Variants in ARB2A observed in about 807,000 individuals in gnomAD.
ARB2A encodes the protein cotranscriptional regulator ARB2A.
At chr5:93,946,605 A>T in the ARB2A span, among the ~76,000 whole-genome samples, 1 of 152,192 alleles carries the variant, frequency 6.6e-6, no homozygotes, top group Non-Finnish European at 1.5e-5. Flanking sequence ...ATAAATCAAA[A>T]GACAGAACTA....
At chr5:93,663,214 G>A in the ARB2A span, among the ~76,000 whole-genome samples, 1 of 152,190 alleles carries the variant, frequency 6.6e-6, no homozygotes, top group Admixed American at 6.5e-5. Context: ...CTCTCTCCTG[G>A]TTGAAACCAA....
chr5:93,974,740 A>T, the ARB2A span, among the ~76,000 whole-genome samples: 1 of 152,164 alleles, frequency 6.6e-6, no homozygotes, highest in Non-Finnish European at 1.5e-5. Context: ...AAACTAAATT[A>T]AAAAATAAAA....
the ARB2A span, among the ~76,000 whole-genome samples, chr5:94,098,332 C>T: frequency 2.4e-4 from 36 of 152,238 alleles, no homozygotes; most frequent in East Asian, 2.5e-3. Flanking sequence ...CAATGAAAAT[C>T]GCTCAAAACC....
chr5:93,969,026 T>TC, the ARB2A span, among the ~76,000 whole-genome samples: 1 of 149,934 alleles, frequency 6.7e-6, no homozygotes, highest in Non-Finnish European at 1.5e-5. Context: ...TTCTTTTTTT[T>TC]TTTTTTTTTT....
chr5:93,844,007 A>G, the ARB2A span, among the ~76,000 whole-genome samples: 1 of 152,058 alleles, frequency 6.6e-6, no homozygotes, highest in African/African-American at 2.4e-5. Flanking sequence ...TTTAGAACCC[A>G]GGAACAAAGA....
At chr5:93,731,377 A>C in the ARB2A span, among the ~76,000 whole-genome samples, 4 of 152,284 alleles carry the variant, frequency 2.6e-5, no homozygotes, top group Non-Finnish European at 4.4e-5. Flanking sequence ...TTACAAGCCA[A>C]GGAAAAAAAC....
chr5:93,932,900 C>G, the ARB2A span, among the ~76,000 whole-genome samples: 3 of 152,084 alleles, frequency 2.0e-5, no homozygotes, highest in Admixed American at 2.0e-4. Context: ...GTTAAGTATT[C>G]ATCTGACAAA....
At chr5:93,770,655 C>T in the ARB2A span, among the ~76,000 whole-genome samples, 25 of 152,146 alleles carry the variant, frequency 1.6e-4, no homozygotes, top group African/African-American at 5.8e-4. Context: ...CATTCTTATA[C>T]ACCAATAACA....
At chr5:93,699,857 C>G in the ARB2A span, among the ~76,000 whole-genome samples, 2 of 151,658 alleles carry the variant, frequency 1.3e-5, no homozygotes, top group African/African-American at 4.8e-5. Flanking sequence ...GAGATCAGAA[C>G]AGAGGCCCAG....
chr5:93,737,434 C>A, the ARB2A span: 1 of 151,942 alleles, frequency 6.6e-6, no homozygotes, highest in Non-Finnish European at 1.5e-5. Flanking sequence ...AAAAACTGAT[C>A]CTAAAATTCC....
At chr5:94,055,801 T>C in the ARB2A span, 3 of 985,334 alleles carry the variant, frequency 3.0e-6, no homozygotes, top group Non-Finnish European at 3.6e-6. Context: ...TTCGCAGTCA[T>C]CTACAATTCA....
the ARB2A span, among the ~76,000 whole-genome samples, chr5:93,937,902 G>GA: frequency 6.6e-6 from 1 of 151,938 alleles, no homozygotes. Context: ...TAATGACAAG[G>GA]AAAAAAGTCT....
At chr5:93,693,228 C>T in the ARB2A span, among the ~76,000 whole-genome samples, 1 of 152,038 alleles carries the variant, frequency 6.6e-6, no homozygotes, top group Non-Finnish European at 1.5e-5. Flanking sequence ...GAGACAGAGA[C>T]ATGAAAAACC....
chr5:93,853,954 G>C, the ARB2A span, among the ~76,000 whole-genome samples: 3 of 152,162 alleles, frequency 2.0e-5, no homozygotes, highest in Admixed American at 6.6e-5. Flanking sequence ...TTTGGTATCA[G>C]GATGATGCTG....
chr5:94,057,388 A>G, the ARB2A span, among the ~76,000 whole-genome samples: 1 of 152,110 alleles, frequency 6.6e-6, no homozygotes, highest in African/African-American at 2.4e-5. Context: ...CTGGGCAGAG[A>G]GGGGAATAGG....
the ARB2A span, among the ~76,000 whole-genome samples, chr5:93,630,616 G>A: frequency 4.1e-4 from 63 of 152,278 alleles, no homozygotes; most frequent in Middle Eastern, 3.4e-3. Context: ...ACAAGAGGGC[G>A]TAGTGGGGGC....
the ARB2A span, among the ~76,000 whole-genome samples, chr5:93,794,457 C>T: frequency 9.8e-4 from 149 of 152,070 alleles, no homozygotes; most frequent in Non-Finnish European, 9.3e-4. Context: ...GGATCCATTG[C>T]TGGTGAGCTG....
the ARB2A span, among the ~76,000 whole-genome samples, chr5:93,775,435 G>A: frequency 1.3e-5 from 2 of 152,170 alleles, no homozygotes; most frequent in Non-Finnish European, 2.9e-5. Flanking sequence ...AACTGTGAAA[G>A]TCAAAACCAG....
chr5:93,779,191 C>T, the ARB2A span, among the ~76,000 whole-genome samples: 1 of 150,818 alleles, frequency 6.6e-6, no homozygotes, highest in Non-Finnish European at 1.5e-5. Flanking sequence ...GAAAAAAGGG[C>T]AAAACAAGTT....
Sources: allele counts gnomAD v4.1 joint callset (sites outside exome capture counted in the v4.1 genomes callset), GRCh38; gene constraint gnomAD v4.1.1; transcripts MANE v1.5; gene names NCBI Gene and HGNC (gene_info 2026-07-23, HGNC 2026-07-21).